DENND4A: variants seen among roughly 807,000 people sequenced by gnomAD.
DENND4A encodes DENN domain containing 4A.
DENND4A carries 70 observed loss-of-function variants against 199.3 expected under a neutral mutation model. That is an observed-to-expected ratio of 0.35 (90% CI 0.29 to 0.43). DENND4A has a LOEUF of 0.43. Among genes scored for constraint, DENND4A ranks in the 20% least tolerant of loss-of-function variants. The pLI, the probability that DENND4A is intolerant of heterozygous loss-of-function variation, is 1.00. For synonymous variants in DENND4A, 686 were observed against 766.9 expected (o/e 0.89, Z 1.74); for missense variants, 1,723 against 2,255.8 (o/e 0.76, Z 4.78).
At chr15:65,706,441 GAAAAT>G (rs2075052042) in intron 14 of DENND4A, among the ~76,000 whole-genome samples, 1 of 137,702 alleles carries the variant, frequency 7.3e-6, no homozygotes, top group South Asian at 2.4e-4. Flanking sequence ...AAGAAAAGGG[GAAAAT>G]AACACACACA....
chr15:65,720,947 T>TATTATATATATATATATA (rs1555425654), intron 12 of DENND4A, among the ~76,000 whole-genome samples: 53 of 76,200 alleles, frequency 7.0e-4, no homozygotes, highest in Non-Finnish European at 1.1e-3. Flanking sequence ...GTTTCATTGA[T>TATTATATATATATATATA]TATATATATA....
Position 65,702,892 on chromosome 15 carries a change from A to G in DENND4A, c.2204T>C (p.Met735Thr), listed in dbSNP as rs768270315. The change falls in exon 16 of 33, where the codon ATG (methionine) becomes ACG (threonine). Residue 735 changes from methionine to threonine, a missense_variant. Around this residue, in one of 6 missense-constraint regions of DENND4A, gnomAD observed 725 missense variants for 952.9 expected, o/e 0.76. Transcript: ENST00000443035. ...KSSSPNSPLP[M>T]FRRTKQEIKS... is the part of the protein sequence containing the mutation. Reference sequence around the variant, plus strand: ...AAGTACCTGTTTTGTTCTTCTGAACATGGGCAAAGGGCTATTAGGACTACT... The same window carrying G: ...AAGTACCTGTTTTGTTCTTCTGAACGTGGGCAAAGGGCTATTAGGACTACT... 6.2e-7 allele frequency: 1 copy of G among 1,612,460 alleles called. No homozygotes were observed. Among genetic ancestry groups the G allele is most frequent in the African/African-American group, 1.3e-5 (1 of 74,866 alleles).
chr15:65,677,102 C>T (rs1041712127), intron 23 of DENND4A, among the ~76,000 whole-genome samples: 3 of 152,078 alleles, frequency 2.0e-5, no homozygotes, highest in African/African-American at 7.2e-5. Flanking sequence ...TAGATTTTTA[C>T]ACGAAAAAAA....
Position 65,674,484 on chromosome 15 carries a change from T to C in DENND4A, c.4369+1961A>G, listed in dbSNP as rs1424623524. ...GTATTGACATTCATAAAAGTATAGCTGAGTGTGGTGGCTCAAGCCTGTAAT... is the reference window on the plus strand; with the variant it reads ...GTATTGACATTCATAAAAGTATAGCCGAGTGTGGTGGCTCAAGCCTGTAAT... On this transcript the variant is annotated intron_variant, in intron 24 of 32. Coordinates refer to ENST00000443035, the MANE Select transcript of DENND4A (RefSeq NM_001320835.1). Among the ~76,000 whole-genome samples the C allele has an allele frequency of 2.6e-5, 4 of 152,312 alleles. No homozygotes were observed. The East Asian group carries it at 5.8e-4, about 22-fold the overall frequency.
At chr15:65,764,971 CCAA>C (rs2076944336) in intron 1 of DENND4A, among the ~76,000 whole-genome samples, 2 of 89,160 alleles carry the variant, frequency 2.2e-5, no homozygotes, top group Non-Finnish European at 2.2e-5. Context: ...GACCCTGTCT[CCAA>C]AAAAAAAAAA....
chr15:65,752,456 A>G lies in DENND4A; in HGVS notation c.484T>C (p.Cys162Arg), dbSNP rs2088584637. 6.2e-7 allele frequency: 1 copy of G among 1,613,718 alleles called. No homozygotes were observed. Among genetic ancestry groups the G allele is most frequent in the East Asian group, 2.2e-5 (1 of 44,874 alleles). ...TQNTLAVTDI[C>R]IIIPSKGESP... ...TCTCCTTTACTGGGTATAATAATAC[A>G]TATGTCAGTGACAGCCAACGTATTC... The change falls in exon 4 of 33, where the codon TGT (cysteine) becomes CGT (arginine). Residue 162 changes from cysteine (C) to arginine (R), a missense_variant. Transcript: ENST00000443035.
chr15:65,779,019 C>G (rs574192518), intron 1 of DENND4A, among the ~76,000 whole-genome samples: 1 of 152,078 alleles, frequency 6.6e-6, no homozygotes, highest in East Asian at 1.9e-4. Flanking sequence ...GTTTCAGCCA[C>G]TCAGAAGGCA....
chr15:65,711,266 CT>C (rs1160289587), intron 14 of DENND4A, among the ~76,000 whole-genome samples: 1 of 152,162 alleles, frequency 6.6e-6, no homozygotes, highest in Non-Finnish European at 1.5e-5. Flanking sequence ...CTTCGGAAGA[CT>C]ACTACAAGAG....
intron 14 of DENND4A, among the ~76,000 whole-genome samples, chr15:65,711,477 A>AGAGAG (rs1325065151): frequency 6.6e-6 from 1 of 152,210 alleles, no homozygotes; most frequent in Non-Finnish European, 1.5e-5. Flanking sequence ...TGGGTGACAG[A>AGAGAG]GAGAGGCCCT....
chr15:65,756,544 A>T, intron 2 of DENND4A, 72 bp from the exon 3 acceptor site: 2 of 1,153,254 alleles, frequency 1.7e-6, no homozygotes, highest in South Asian at 3.3e-5. Context: ...GTGTGCAAAT[A>T]AGAACAAAAA....
At chr15:65,780,053 TTAAG>T (rs923667284) in intron 1 of DENND4A, among the ~76,000 whole-genome samples, 6 of 151,902 alleles carry the variant, frequency 3.9e-5, no homozygotes, top group South Asian at 2.1e-4. Flanking sequence ...AAAAAAAAAT[TTAAG>T]TAAAGATTTA....
chr15:65,721,772 T>C (rs2075653772), intron 12 of DENND4A, among the ~76,000 whole-genome samples: 1 of 151,830 alleles, frequency 6.6e-6, no homozygotes, highest in African/African-American at 2.4e-5. Flanking sequence ...TCTTAAGGAG[T>C]CAAATACTGC....
rs1460664879 is a variant in DENND4A, at chr15:65,709,709, A to T, written c.1954-3485T>A. 7.5e-5 allele frequency among the ~76,000 whole-genome samples: 9 copies of T among 120,372 alleles called. No homozygotes were observed. In the East Asian group the frequency reaches 3.1e-3, roughly 42 times the overall value. 79.0% of individuals were successfully genotyped at this position (120,372 alleles called of 152,430 possible). ...AAACTCCATCTCAAAAAAAAAAAAA[A>T]AAAAAAAAAAATATATATATATATA... is the stretch of plus-strand genomic sequence containing the variant. On this transcript the variant is annotated intron_variant, in intron 14 of 32. Transcript: ENST00000443035.
At position 65,659,330 on chromosome 15, in the gene DENND4A, T is replaced by TC. The variant is rs2075781341; in HGVS notation, c.*2520_*2521insG. Reference sequence around the variant, plus strand: ...ATGATTGATATTTTCTGGTTTTTTTTTTTTTTTTTTTTTTTTTTTTTGAGA... The same window carrying TC: ...ATGATTGATATTTTCTGGTTTTTTTTCTTTTTTTTTTTTTTTTTTTTTGAGA... On this transcript the variant is annotated 3_prime_UTR_variant, in exon 33 of 33. Coordinates refer to ENST00000443035, the MANE Select transcript of DENND4A (RefSeq NM_001320835.1). The TC allele has an allele frequency of 8.0e-6, 1 of 125,380 alleles. No individual in the cohort carries two copies. Among genetic ancestry groups the TC allele is most frequent in the Admixed American group, 7.9e-5 (1 of 12,586 alleles). 7.8% of individuals were successfully genotyped at this position (125,380 alleles called of 1,614,324 possible).
At chr15:65,721,316 C>T (rs550001450) in intron 12 of DENND4A, among the ~76,000 whole-genome samples, 10 of 152,056 alleles carry the variant, frequency 6.6e-5, no homozygotes, top group Admixed American at 5.2e-4. Flanking sequence ...TTGGAATCAT[C>T]TACTTGTTAT....
At position 65,722,654 on chromosome 15, in the gene DENND4A, CG is replaced by C. The variant is rs1343879040; in HGVS notation, c.1588+193del. ...CTGGCAACAGAGCGAGACTCCGTCT[CG>C]AAAAAAAAAAAAATACACATTTTAT... On this transcript the variant is annotated intron_variant, in intron 12 of 32. Coordinates refer to ENST00000443035, the MANE Select transcript of DENND4A (RefSeq NM_001320835.1). Among the ~76,000 whole-genome samples, 5 of 134,322 alleles carry C rather than the reference CG, an allele frequency of 3.7e-5. No homozygotes were observed. In the East Asian group the frequency reaches 1.3e-3, roughly 36 times the overall value. The allele number at this position is 134,322 out of a possible 152,430, so 88.1% of individuals were successfully genotyped here.
chr15:65,716,451 T>C (rs1205292394), intron 13 of DENND4A, among the ~76,000 whole-genome samples: 1 of 139,724 alleles, frequency 7.2e-6, no homozygotes, highest in Admixed American at 8.0e-5. Context: ...TGTGTCCATG[T>C]GTTCTCATTG....
intron 7 of DENND4A, 72 bp from the exon 8 acceptor site, chr15:65,732,890 C>G: frequency 1.1e-6 from 1 of 893,812 alleles, no homozygotes; most frequent in Non-Finnish European, 1.8e-6. Context: ...CATGTCATCA[C>G]AAGTCCAAGT....
chr15:65,715,261 T>C (rs1322767919), intron 14 of DENND4A: 2 of 402,398 alleles, frequency 5.0e-6, no homozygotes, highest in Non-Finnish European at 8.6e-6. Context: ...ATAAAACTTA[T>C]GATTACAATT....
Sources: gnomAD v4.1 joint callset for allele counts (sites outside exome capture counted in the v4.1 genomes callset) on GRCh38, gnomAD v4.1.1 for gene constraint, gnomAD v4.1.1 regional missense constraint, MANE v1.5 for transcripts, NCBI Gene and HGNC (gene_info 2026-07-23, HGNC 2026-07-21) for gene names.